Variants in TUNAR observed in about 807,000 individuals in gnomAD.
TUNAR encodes the protein transmembrane neural differentiation associated intracellular calcium regulator.
At chr14:95,902,508 T>TA (rs1889370262) in intron 2 of TUNAR, among the ~76,000 whole-genome samples, 1 of 152,202 alleles carries the variant, frequency 6.6e-6, no homozygotes, top group Non-Finnish European at 1.5e-5. Flanking sequence ...ATTCATGAAA[T>TA]ACAGGCTGTT....
chr14:95,916,908 T>C (rs936373581), intron 2 of TUNAR, among the ~76,000 whole-genome samples: 5 of 152,230 alleles, frequency 3.3e-5, no homozygotes, highest in African/African-American at 9.6e-5. Flanking sequence ...TTTACTCTTT[T>C]GTAAACCATG....
chr14:95,885,668 G>A (rs1889064863), intron 2 of TUNAR, among the ~76,000 whole-genome samples: 1 of 152,144 alleles, frequency 6.6e-6, no homozygotes, highest in Non-Finnish European at 1.5e-5. Context: ...TGCTTAGATG[G>A]GAGTGGGTCT....
chr14:95,879,707 GT>G (rs112002523), intron 2 of TUNAR, among the ~76,000 whole-genome samples: 45 of 147,748 alleles, frequency 3.0e-4, no homozygotes, highest in South Asian at 6.5e-4. Context: ...CTTAAATCCA[GT>G]TTTTTTTTTT....
At chr14:95,919,794 C>T (rs556102681) in intron 2 of TUNAR, among the ~76,000 whole-genome samples, 408 of 152,076 alleles carry the variant, frequency 2.7e-3, no homozygotes, top group Non-Finnish European at 4.1e-3. Flanking sequence ...AAGGAATGGG[C>T]AGATATGTGA....
chr14:95,887,727 C>T (rs1467167320), intron 2 of TUNAR, among the ~76,000 whole-genome samples: 1 of 152,206 alleles, frequency 6.6e-6, no homozygotes, highest in African/African-American at 2.4e-5. Context: ...CTTATTGACT[C>T]ACATTTTAAT....
intron 2 of TUNAR, among the ~76,000 whole-genome samples, chr14:95,911,251 C>G (rs1889508310): frequency 6.6e-6 from 1 of 152,188 alleles, no homozygotes; most frequent in Non-Finnish European, 1.5e-5. Context: ...TCACATCTGC[C>G]AGTCCCCTGC....
At position 95,888,611 on chromosome 14, in the gene TUNAR, C is replaced by T. The variant is rs185833305; in HGVS notation, c.12+11434C>T. 8.2e-4 allele frequency among the ~76,000 whole-genome samples: 125 copies of T among 152,214 alleles called. 2 individuals carry two copies. Among genetic ancestry groups the T allele is most frequent in the African/African-American group, 9.4e-4 (39 of 41,522 alleles). On this transcript the variant is annotated intron_variant, in intron 2 of 2. Transcript: ENST00000678517. ...CTGAGACTCTCCATCGCTCTGTGGA[C>T]GCTCCGTGTGGCTGGGTAGCCATAC...
chr14:95,917,003 C>A (rs969664273), intron 2 of TUNAR, among the ~76,000 whole-genome samples: 1 of 152,050 alleles, frequency 6.6e-6, no homozygotes. Context: ...TAGTGTATAT[C>A]CCAGTTTGTG....
chr14:95,889,747 A>G (rs1595116900), intron 2 of TUNAR, among the ~76,000 whole-genome samples: 1 of 152,006 alleles, frequency 6.6e-6, no homozygotes, highest in Non-Finnish European at 1.5e-5. Context: ...CTCTCATAGC[A>G]GAGTACCGGA....
At chr14:95,907,176 T>C (rs1407462440) in intron 2 of TUNAR, among the ~76,000 whole-genome samples, 1 of 152,198 alleles carries the variant, frequency 6.6e-6, no homozygotes, top group African/African-American at 2.4e-5. Context: ...GGACATGCCA[T>C]GGTTTATTCA....
intron 2 of TUNAR, among the ~76,000 whole-genome samples, chr14:95,898,560 T>A (rs919846891): frequency 1.3e-5 from 2 of 152,232 alleles, no homozygotes; most frequent in Admixed American, 1.3e-4. Context: ...TTTTTCTCAT[T>A]TCTTTGCCTT....
intron 2 of TUNAR, among the ~76,000 whole-genome samples, chr14:95,899,571 A>G (rs945778792): frequency 1.3e-5 from 2 of 152,166 alleles, no homozygotes; most frequent in Admixed American, 6.5e-5. Context: ...TAAACTACAC[A>G]CATTTATTTC....
chr14:95,904,845 C>T (rs1363492655), intron 2 of TUNAR, among the ~76,000 whole-genome samples: 1 of 152,242 alleles, frequency 6.6e-6, no homozygotes, highest in African/African-American at 2.4e-5. Flanking sequence ...CCTCAGGACG[C>T]TAGCCCTGGC....
intron 2 of TUNAR, among the ~76,000 whole-genome samples, chr14:95,884,417 C>A (rs1192806598): frequency 6.6e-6 from 1 of 152,224 alleles, no homozygotes; most frequent in African/African-American, 2.4e-5. Context: ...GGTGCCAGCC[C>A]TGGTAGGTGG....
intron 2 of TUNAR, among the ~76,000 whole-genome samples, chr14:95,883,013 C>T (rs190331071): frequency 1.3e-4 from 20 of 152,246 alleles, no homozygotes; most frequent in East Asian, 7.7e-4. Flanking sequence ...TAAAACAGTA[C>T]GTCTATTATC....
intron 2 of TUNAR, among the ~76,000 whole-genome samples, chr14:95,882,732 A>G (rs977072151): frequency 6.6e-6 from 1 of 152,206 alleles, no homozygotes; most frequent in Non-Finnish European, 1.5e-5. Flanking sequence ...GCAAAAGAGC[A>G]AACAGAGAAT....
intron 2 of TUNAR, among the ~76,000 whole-genome samples, chr14:95,905,244 A>G (rs1166284772): frequency 1.3e-5 from 2 of 152,192 alleles, no homozygotes; most frequent in African/African-American, 4.8e-5. Context: ...GTGTAATACT[A>G]TTAACTCAAT....
At chr14:95,879,501 G>T (rs1398387068) in intron 2 of TUNAR, among the ~76,000 whole-genome samples, 1 of 152,262 alleles carries the variant, frequency 6.6e-6, no homozygotes, top group Middle Eastern at 3.4e-3. Flanking sequence ...AAAATGCTGA[G>T]GTAATTATGA....
intron 2 of TUNAR, among the ~76,000 whole-genome samples, chr14:95,906,292 G>A (rs140374696): frequency 3.9e-5 from 6 of 152,216 alleles, no homozygotes; most frequent in Non-Finnish European, 7.4e-5. Context: ...TAATCCATGC[G>A]TGCACACTCA....
Sources: allele counts gnomAD v4.1 joint callset (sites outside exome capture counted in the v4.1 genomes callset), GRCh38; gene constraint gnomAD v4.1.1; transcripts MANE v1.5; gene names NCBI Gene and HGNC (gene_info 2026-07-23, HGNC 2026-07-21).